ZNF423: variants seen among roughly 807,000 people sequenced by gnomAD.
ZNF423 encodes the protein Ebf-associated zinc finger protein.
ZNF423 carries 12 observed loss-of-function variants against 95.8 expected under a neutral mutation model. The observed-to-expected ratio is 0.13, with a 90% CI of 0.08 to 0.20. The LOEUF is 0.20. Ranked by LOEUF, ZNF423 falls within the 10% of genes least tolerant of loss-of-function variation. The pLI is 1.00. For synonymous variants in ZNF423, 749 were observed against 711.9 expected, an observed-to-expected ratio of 1.05 and a Z score of -0.83; for missense variants, 1,316 against 1,737.1, an observed-to-expected ratio of 0.76 and a Z score of 4.31.
At chr16:49,663,920 C>T (rs940833423) in intron 3 of ZNF423, among the ~76,000 whole-genome samples, 1 of 152,332 alleles carries the variant, frequency 6.6e-6, no homozygotes, top group South Asian at 2.1e-4. Flanking sequence ...CAGAAAAAAA[C>T]GTTTCCTTCC....
chr16:49,787,416 G>A (rs1039247939), intron 2 of ZNF423, among the ~76,000 whole-genome samples: 1 of 152,132 alleles, frequency 6.6e-6, no homozygotes, highest in Non-Finnish European at 1.5e-5. Context: ...CCCCATAGCT[G>A]AGCAGAGAAT....
chr16:49,647,576 T>C lies in ZNF423; in HGVS notation c.302-8702A>G, dbSNP rs949847441. 3.3e-5 allele frequency among the ~76,000 whole-genome samples: 5 copies of C among 152,176 alleles called. No homozygotes were observed. In the East Asian group the frequency reaches 9.7e-4, roughly 29 times the overall value. ...AGGGAGGCAGAAGAGGAGGTTGAGG[T>C]GATGCAATATGAGAAGGACCCAACC... is the stretch of plus-strand genomic sequence containing the variant. On this transcript the variant is annotated intron_variant, in intron 3 of 7. Transcript: ENST00000563137.
At chr16:49,522,958 T>G (rs1375354237) in intron 7 of ZNF423, among the ~76,000 whole-genome samples, 2 of 152,116 alleles carry the variant, frequency 1.3e-5, no homozygotes, top group Non-Finnish European at 2.9e-5. Flanking sequence ...GAAAAACCAG[T>G]AACAGGTGAA....
chr16:49,780,430 G>A (rs775110208), intron 2 of ZNF423: 1 of 152,314 alleles, frequency 6.6e-6, no homozygotes, highest in Non-Finnish European at 1.5e-5. Context: ...CCCCCTGCCA[G>A]GGGTCCGAGT....
At chr16:49,682,850 C>T (rs947133310) in intron 3 of ZNF423, among the ~76,000 whole-genome samples, 1 of 152,234 alleles carries the variant, frequency 6.6e-6, no homozygotes, top group Non-Finnish European at 1.5e-5. Context: ...CTTACATCTG[C>T]ACTGTGTATT....
intron 3 of ZNF423, among the ~76,000 whole-genome samples, chr16:49,671,597 T>C (rs981559201): frequency 6.6e-6 from 1 of 152,244 alleles, no homozygotes; most frequent in Non-Finnish European, 1.5e-5. Context: ...AGTGCTGCTC[T>C]GTGTGATGGG....
intron 5 of ZNF423, among the ~76,000 whole-genome samples, chr16:49,597,115 C>A (rs958743438): frequency 1.4e-4 from 22 of 152,302 alleles, no homozygotes; most frequent in African/African-American, 5.3e-4. Flanking sequence ...ATGGCTGGAG[C>A]ACTCCAAGTT....
intron 2 of ZNF423, among the ~76,000 whole-genome samples, chr16:49,740,544 T>G (rs2033393797): frequency 6.6e-6 from 1 of 152,244 alleles, no homozygotes; most frequent in Non-Finnish European, 1.5e-5. Context: ...AGGGTCCCCT[T>G]GGCAGCAGAG....
At chr16:49,568,582 CTCTG>C (rs1379181381) in intron 5 of ZNF423, among the ~76,000 whole-genome samples, 9 of 152,152 alleles carry the variant, frequency 5.9e-5, no homozygotes, top group African/African-American at 2.2e-4. Flanking sequence ...CTTTTTGTCC[CTCTG>C]TCTGTCTCCC....
chr16:49,800,302 T>C (rs2034562782), intron 1 of ZNF423, among the ~76,000 whole-genome samples: 1 of 151,838 alleles, frequency 6.6e-6, no homozygotes, highest in African/African-American at 2.4e-5. Flanking sequence ...TTGCCCAGAC[T>C]GGTCTCAAAC....
chr16:49,844,540 T>C (rs2144104788), intron 1 of ZNF423, among the ~76,000 whole-genome samples: 1 of 152,202 alleles, frequency 6.6e-6, no homozygotes, highest in East Asian at 1.9e-4. Flanking sequence ...AAAGACTGAC[T>C]CTCACGGTGA....
intron 2 of ZNF423, among the ~76,000 whole-genome samples, chr16:49,782,751 A>G (rs572448488): frequency 2.0e-5 from 3 of 152,258 alleles, no homozygotes; most frequent in African/African-American, 7.2e-5. Context: ...ACTCTGCCCA[A>G]CCAGTCCCAG....
chr16:49,696,445 G>A (rs2031974408), intron 3 of ZNF423, among the ~76,000 whole-genome samples: 2 of 152,158 alleles, frequency 1.3e-5, no homozygotes, highest in Admixed American at 1.3e-4. Flanking sequence ...CATACCAGGG[G>A]CTCCCCATGG....
At chr16:49,618,252 G>T (rs1971942849) in intron 5 of ZNF423, among the ~76,000 whole-genome samples, 1 of 152,238 alleles carries the variant, frequency 6.6e-6, no homozygotes, top group African/African-American at 2.4e-5. Flanking sequence ...ACAGGGTGTT[G>T]TGAGGGTGAA....
intron 1 of ZNF423, chr16:49,854,273 G>A (rs1395839241): frequency 1.0e-6 from 1 of 985,274 alleles, no homozygotes; most frequent in East Asian, 1.1e-4. Flanking sequence ...CGGGCGCTCC[G>A]TTTGGACTCA....
At chr16:49,831,510 T>A (rs1248086466) in intron 1 of ZNF423, among the ~76,000 whole-genome samples, 1 of 152,100 alleles carries the variant, frequency 6.6e-6, no homozygotes, top group Non-Finnish European at 1.5e-5. Context: ...GCGGAACTAA[T>A]ATAACTATTA....
intron 3 of ZNF423, among the ~76,000 whole-genome samples, chr16:49,673,932 A>C (rs1187557581): frequency 2.6e-5 from 4 of 152,204 alleles, no homozygotes; most frequent in Non-Finnish European, 5.9e-5. Context: ...CAGAGAGCTC[A>C]GTTCTGGCAG....
chr16:49,834,806 A>G (rs2035099390), intron 1 of ZNF423, among the ~76,000 whole-genome samples: 1 of 151,968 alleles, frequency 6.6e-6, no homozygotes, highest in Non-Finnish European at 1.5e-5. Flanking sequence ...GGAGAGCGCC[A>G]GGATCAGAGC....
chr16:49,718,925 A>AGC (rs2032786152), intron 3 of ZNF423, among the ~76,000 whole-genome samples: 2 of 152,214 alleles, frequency 1.3e-5, no homozygotes, highest in African/African-American at 4.8e-5. Flanking sequence ...ATAGCCAGTT[A>AGC]TAATAAAGGA....
Sources: allele counts gnomAD v4.1 joint callset (sites outside exome capture counted in the v4.1 genomes callset), GRCh38; gene constraint gnomAD v4.1.1; transcripts MANE v1.5; gene names NCBI Gene and HGNC (gene_info 2026-07-23, HGNC 2026-07-21).